MYO10: variants seen among roughly 807,000 people sequenced by gnomAD.
MYO10 encodes the protein unconventional myosin-X.
MYO10 carries 133 observed loss-of-function variants against 257.3 expected under a neutral mutation model. The ratio of observed to expected loss-of-function variants is 0.52; its 90% CI spans 0.45 to 0.60. MYO10 has a LOEUF of 0.60. Among genes scored for constraint, MYO10 ranks in the 20% least tolerant of loss-of-function variants. The pLI is 0.00. For synonymous variants in MYO10, 1,104 were observed against 1,028.6 expected, an observed-to-expected ratio of 1.07 and a Z score of -1.40; for missense variants, 2,399 against 2,635.7, an observed-to-expected ratio of 0.91 and a Z score of 1.97.
chr5:16,793,648 C>T (rs1361800818), intron 4 of MYO10, among the ~76,000 whole-genome samples: 1 of 152,030 alleles, frequency 6.6e-6, no homozygotes, highest in Admixed American at 6.6e-5. Context: ...TAAAAATACT[C>T]GCCGGGAGCG....
chr5:16,738,302 C>T, intron 19 of MYO10: 1 of 985,410 alleles, frequency 1.0e-6, no homozygotes, highest in African/African-American at 1.7e-5. Context: ...GTGTCCCAGG[C>T]CTGGGAGCAG....
intron 19 of MYO10, among the ~76,000 whole-genome samples, chr5:16,736,099 A>G (rs946239901): frequency 2.0e-5 from 3 of 152,228 alleles, no homozygotes; most frequent in African/African-American, 7.2e-5. Context: ...AAGCCTTTGC[A>G]TCCAGGCCAG....
At chr5:16,858,378 A>G (rs1333092324) in intron 2 of MYO10, among the ~76,000 whole-genome samples, 1 of 151,728 alleles carries the variant, frequency 6.6e-6, no homozygotes, top group Non-Finnish European at 1.5e-5. Context: ...TGCTGTGTTG[A>G]TAACATCTGT....
At chr5:16,819,130 T>A (rs1277012478) in intron 2 of MYO10, among the ~76,000 whole-genome samples, 1 of 152,216 alleles carries the variant, frequency 6.6e-6, no homozygotes, top group Non-Finnish European at 1.5e-5. Flanking sequence ...CAATATTCCC[T>A]TTCAACCAGG....
intron 19 of MYO10, among the ~76,000 whole-genome samples, chr5:16,743,380 C>T (rs1394174196): frequency 6.6e-6 from 1 of 152,118 alleles, no homozygotes; most frequent in Non-Finnish European, 1.5e-5. Flanking sequence ...CGGTGGCTTA[C>T]GTCTGTAATC....
At chr5:16,822,338 A>T (rs773833546) in intron 2 of MYO10, among the ~76,000 whole-genome samples, 10 of 152,236 alleles carry the variant, frequency 6.6e-5, no homozygotes, top group Non-Finnish European at 1.3e-4. Context: ...CACTCATTCA[A>T]GCAAATTTTT....
At position 16,754,846 on chromosome 5, in the gene MYO10, G is replaced by C; in HGVS notation, c.1911C>G (p.Ile637Met). 1 of 1,603,856 alleles carries C rather than the reference G, an allele frequency of 6.2e-7. No homozygotes were observed. Among genetic ancestry groups the C allele is most frequent in the Non-Finnish European group, 8.5e-7 (1 of 1,173,402 alleles). ...ATCTTACCTTCTGCATGTTTGGCTT[G>C]ATACAGCGAACAAAGAAAGGATTAG... ...SSSNPFFVRC[I>M]KPNMQKMPDQ... The change falls in exon 19 of 41, where the codon ATC becomes ATG. Residue 637 changes from isoleucine (I) to methionine (M), a missense_variant. Around this residue, in one of 3 missense-constraint regions of MYO10, gnomAD observed 1,820 missense variants for 1,939.4 expected, o/e 0.94. Coordinates refer to ENST00000513610, the MANE Select transcript of MYO10 (RefSeq NM_012334.3).
chr5:16,671,487 A>C lies in MYO10; in HGVS notation c.5365T>G (p.Tyr1789Asp). 2 of 1,614,012 alleles carry C rather than the reference A, an allele frequency of 1.2e-6. No individual in the cohort carries two copies. Among genetic ancestry groups the C allele is most frequent in the Non-Finnish European group, 1.7e-6 (2 of 1,179,872 alleles). The change falls in exon 38 of 41, where the codon TAC (tyrosine) becomes GAC (aspartate). Residue 1789 changes from tyrosine (Y) to aspartate (D), a missense_variant. By Grantham distance (160) the Tyr-to-Asp change is radical. Around this residue, in one of 3 missense-constraint regions of MYO10, gnomAD observed 1,820 missense variants for 1,939.4 expected, o/e 0.94. Transcript: ENST00000513610. ...ACGTTGTCTGTGTCCAGGAAGCAGTAAAGTTTGAAGTAGAATTTCCATGGC... is the reference window on the plus strand; with the variant it reads ...ACGTTGTCTGTGTCCAGGAAGCAGTCAAGTTTGAAGTAGAATTTCCATGGC... ...DLPWKFYFKLYCFLDTDNVPK... is the reference protein window; with the variant it reads ...DLPWKFYFKLDCFLDTDNVPK...
chr5:16,780,442 C>G, intron 8 of MYO10, 82 bp downstream of exon 8: 1 of 1,245,238 alleles, frequency 8.0e-7, no homozygotes, highest in South Asian at 1.3e-5. Flanking sequence ...AACATTAAAA[C>G]AGATGTTCTC....
At chr5:16,806,572 C>G (rs1299667387) in intron 3 of MYO10, among the ~76,000 whole-genome samples, 1 of 150,708 alleles carries the variant, frequency 6.6e-6, no homozygotes, top group East Asian at 2.0e-4. Context: ...GGCATGAACC[C>G]AGGAGGAGGA....
intron 2 of MYO10, among the ~76,000 whole-genome samples, chr5:16,870,610 G>T (rs934322214): frequency 6.8e-6 from 1 of 146,310 alleles, no homozygotes; most frequent in Admixed American, 6.7e-5. Context: ...TAAAAATTTC[G>T]CAGCAGGCAC....
rs776717907 is a variant in MYO10 at position 16,764,358 on chromosome 5, A to G, written c.1218T>C (p.Tyr406=). The G allele has an allele frequency of 1.9e-6, 3 of 1,613,980 alleles. No homozygotes were observed. The South Asian group carries it at 3.3e-5, about 18-fold the overall frequency. ...DSRDSLAMAL[Y]ACCFEWVIKK... is the part of the protein sequence containing the mutation. ...TGATTACCCACTCAAAGCAGCACGCATACAGAGCCATGGCCAGGGAGTCCC... is the reference window on the plus strand; with the variant it reads ...TGATTACCCACTCAAAGCAGCACGCGTACAGAGCCATGGCCAGGGAGTCCC... The change falls in exon 12 of 41, where the codon TAT becomes TAC. Residue 406 remains tyrosine (Y), a synonymous_variant. Transcript: ENST00000513610.
Position 16,703,975 on chromosome 5 carries a change from A to T in MYO10, c.2276+604T>A, listed in dbSNP as rs192265696. On this transcript the variant is annotated intron_variant, in intron 22 of 40. Transcript: ENST00000513610. Reference sequence around the variant, plus strand: ...AGCCAAAATGATAACACCAAGGTGAACAGCCAGGCCGCTGTGGCTTCAAGA... The same window carrying T: ...AGCCAAAATGATAACACCAAGGTGATCAGCCAGGCCGCTGTGGCTTCAAGA... Among the ~76,000 whole-genome samples the T allele has an allele frequency of 2.0e-5, 3 of 151,700 alleles. No individual in the cohort carries two copies. The East Asian group carries it at 5.9e-4, about 30-fold the overall frequency.
chr5:16,815,622 C>T (rs937477134), intron 3 of MYO10, among the ~76,000 whole-genome samples: 13 of 152,180 alleles, frequency 8.5e-5, no homozygotes, highest in African/African-American at 3.1e-4. Flanking sequence ...CAAAATAAGT[C>T]CTTGACAAAC....
intron 2 of MYO10, among the ~76,000 whole-genome samples, chr5:16,868,912 G>A (rs902032528): frequency 1.3e-5 from 2 of 152,136 alleles, no homozygotes; most frequent in Non-Finnish European, 2.9e-5. Flanking sequence ...ATTAACATTA[G>A]AACGATCTCC....
rs140049886 is a variant in MYO10 at position 16,894,146 on chromosome 5, G to A, written c.22-16439C>T. 6.5e-3 allele frequency among the ~76,000 whole-genome samples: 992 copies of A among 152,186 alleles called. 12 individuals are homozygous for A. The highest frequency in any genetic ancestry group is 0.023 in the African/African-American group (937 of 41,518). The stretch of plus-strand genomic sequence containing the variant: ...TTATCACACTAAGGAACCGACACTG[G>A]CACCTTACCATGAACTCAATGCCAC... On this transcript the variant is annotated intron_variant, in intron 1 of 40. Transcript: ENST00000513610.
intron 27 of MYO10, among the ~76,000 whole-genome samples, chr5:16,691,173 A>G (rs154262): frequency 0.58 from 87,112 of 150,872 alleles, 25,654 homozygotes; most frequent in African/African-American, 0.68. Context: ...GGGAGGATGA[A>G]GCAGGAGAAT....
intron 2 of MYO10, among the ~76,000 whole-genome samples, chr5:16,836,811 G>A (rs752245121): frequency 1.3e-5 from 2 of 152,196 alleles, no homozygotes; most frequent in African/African-American, 4.8e-5. Context: ...GCTAAATACA[G>A]TTACCATATG....
chr5:16,820,533 T>C (rs943100910), intron 2 of MYO10, among the ~76,000 whole-genome samples: 2 of 151,918 alleles, frequency 1.3e-5, no homozygotes, highest in Non-Finnish European at 2.9e-5. Context: ...CAACTCGAGT[T>C]CCCTTCCCAA....
Sources: allele counts gnomAD v4.1 joint callset (sites outside exome capture counted in the v4.1 genomes callset), GRCh38; gene constraint gnomAD v4.1.1; regional missense constraint gnomAD v4.1.1; transcripts MANE v1.5; gene names NCBI Gene and HGNC (gene_info 2026-07-23, HGNC 2026-07-21).